The following SFT2D2 variants were observed in gnomAD, a reference collection of about 807,000 sequenced individuals.
SFT2D2 encodes the protein vesicle transport protein SFT2B.
In SFT2D2, 21 loss-of-function variants were observed where a neutral mutation model predicts 27.4. The observed-to-expected ratio is 0.77, with a 90% confidence interval of 0.54 to 1.10. SFT2D2 has a LOEUF of 1.10. Among genes scored for constraint, SFT2D2 ranks in the 50% least tolerant of loss-of-function variants. The pLI, the probability that SFT2D2 is intolerant of heterozygous loss-of-function variation, is 0.00. For synonymous variants in SFT2D2, 72 were observed against 71.7 expected (o/e 1.00, Z -0.02); for missense variants, 187 against 194.2 (o/e 0.96, Z 0.22).
intron 1 of SFT2D2, among the ~76,000 whole-genome samples, chr1:168,231,056 C>T (rs1161187198): frequency 1.3e-5 from 2 of 152,210 alleles, no homozygotes; most frequent in Admixed American, 1.3e-4. Context: ...ACCAGTGGAG[C>T]AGCTGCTTGA....
At position 168,242,502 on chromosome 1, in the gene SFT2D2, G is replaced by T; in HGVS notation, c.445G>T (p.Asp149Tyr). ...ATCTTTGTGTCTTTTCTTTCCTAGGGATGCTGTGAAGAAGTGTTTTGCCGT... is the reference window on the plus strand; with the variant it reads ...ATCTTTGTGTCTTTTCTTTCCTAGGTATGCTGTGAAGAAGTGTTTTGCCGT... ...YSLSFIPFARDAVKKCFAVCL... is the reference protein window; with the variant it reads ...YSLSFIPFARYAVKKCFAVCL... The change falls in exon 8 of 8, where the codon GAT becomes TAT. Residue 149 changes from aspartate (D) to tyrosine (Y), a missense_variant and splice_region_variant. Asp to Tyr is a radical substitution (Grantham distance 160, BLOSUM62 -3). Transcript: ENST00000271375. 1 of 1,614,144 alleles carries T rather than the reference G, an allele frequency of 6.2e-7. No homozygotes were observed. Among genetic ancestry groups the T allele is most frequent in the Non-Finnish European group, 8.5e-7 (1 of 1,180,008 alleles).
intron 1 of SFT2D2, among the ~76,000 whole-genome samples, chr1:168,230,287 G>T (rs1700498799): frequency 6.6e-6 from 1 of 152,134 alleles, no homozygotes; most frequent in Admixed American, 6.5e-5. Flanking sequence ...AATATAGTAG[G>T]AAACTTTGAC....
chr1:168,234,074 C>A (rs903534504), intron 3 of SFT2D2, among the ~76,000 whole-genome samples: 3 of 152,126 alleles, frequency 2.0e-5, no homozygotes, highest in Non-Finnish European at 4.4e-5. Flanking sequence ...ATTACTCTTG[C>A]TAGCCATCTC....
chr1:168,226,062 G>T lies in SFT2D2; in HGVS notation c.-18G>T. ...AGGCTGCCGCTGAGGAGCTGGAGCT[G>T]GTGGGGACTGGGCCGCAATGGACAA... On this transcript the variant is annotated 5_prime_UTR_variant, in exon 1 of 8. Coordinates refer to ENST00000271375, the MANE Select transcript of SFT2D2 (RefSeq NM_199344.3). The T allele has an allele frequency of 6.6e-7, 1 of 1,518,458 alleles. No homozygotes were observed. The highest frequency in any genetic ancestry group is 8.8e-7 in the Non-Finnish European group (1 of 1,131,470). The allele number at this position is 1,518,458 out of a possible 1,614,324, so 94.1% of individuals were successfully genotyped here.
In SFT2D2 at chr1:168,247,456, A is replaced by C. The variant is rs1647851948; in HGVS notation, c.*4916A>C. 1 of 159,744 alleles carries C rather than the reference A, an allele frequency of 6.3e-6. No individual in the cohort carries two copies. Among genetic ancestry groups the C allele is most frequent in the Non-Finnish European group, 1.4e-5 (1 of 73,432 alleles). 9.9% of individuals were successfully genotyped at this position (159,744 alleles called of 1,614,324 possible). A position where few individuals can be genotyped will look rare whatever the true frequency, so the allele number is the denominator to read the frequency against. On this transcript the variant is annotated 3_prime_UTR_variant, in exon 8 of 8. Coordinates refer to ENST00000271375, the MANE Select transcript of SFT2D2 (RefSeq NM_199344.3). ...TCTGTTCTTGTGTTAGTTTGCTGAG[A>C]ATGATGGTTTCCAGCTTCATCCATG...
At chr1:168,233,707 T>G (rs1647395295) in intron 3 of SFT2D2, among the ~76,000 whole-genome samples, 1 of 152,172 alleles carries the variant, frequency 6.6e-6, no homozygotes, top group African/African-American at 2.4e-5. Flanking sequence ...CATAAATATA[T>G]GGGTGTGTTG....
intron 6 of SFT2D2, among the ~76,000 whole-genome samples, chr1:168,238,141 C>T (rs1397217678): frequency 1.3e-5 from 2 of 152,052 alleles, no homozygotes; most frequent in Non-Finnish European, 2.9e-5. Flanking sequence ...GGAGCCTGTT[C>T]CTTGTATATG....
chr1:168,230,802 C>T (rs2102328465), intron 1 of SFT2D2, among the ~76,000 whole-genome samples: 1 of 152,248 alleles, frequency 6.6e-6, no homozygotes, highest in South Asian at 2.1e-4. Context: ...GGGAAAAGAA[C>T]CACTGGGAGC....
At chr1:168,238,502 A>AACAAACAAACAAAAAAAAACAT in intron 6 of SFT2D2, among the ~76,000 whole-genome samples, 1 of 151,886 alleles carries the variant, frequency 6.6e-6, no homozygotes, top group East Asian at 1.9e-4. Context: ...CAAAAAAACA[A>AACAAACAAACAAAAAAAAACAT]ACAAACAAAC....
At position 168,231,837 on chromosome 1, in the gene SFT2D2, A is replaced by G. The variant is rs1558175455; in HGVS notation, c.154A>G (p.Thr52Ala). 6.2e-7 allele frequency: 1 copy of G among 1,614,036 alleles called. No homozygotes were observed. The highest frequency in any genetic ancestry group is 1.3e-5 in the African/African-American group (1 of 75,016). ...AACACTGTACTTTAAATTCCAGGGT[A>G]CTGTTCTGCTGTGGGTGCCCAGGAA... The part of the protein sequence containing the change: ...AIGILCSLLG[T>A]VLLWVPRKGL... Residue 52 changes from threonine to alanine, a missense_variant, in exon 3 of 8, where the codon ACT becomes GCT. Thr to Ala is a moderately conservative substitution (Grantham distance 58). Coordinates refer to ENST00000271375, the MANE Select transcript of SFT2D2 (RefSeq NM_199344.3).
intron 1 of SFT2D2, among the ~76,000 whole-genome samples, chr1:168,229,246 G>GT (rs1700488789): frequency 6.6e-6 from 1 of 152,190 alleles, no homozygotes; most frequent in Non-Finnish European, 1.5e-5. Context: ...ACTGAGCGGA[G>GT]TCTCGCTCTG....
At chr1:168,241,065 A>G (rs1647631943) in intron 7 of SFT2D2, among the ~76,000 whole-genome samples, 1 of 152,104 alleles carries the variant, frequency 6.6e-6, no homozygotes, top group Non-Finnish European at 1.5e-5. Flanking sequence ...CTTGATCTGG[A>G]TTGGCATGTA....
At chr1:168,233,114 C>T (rs1647375153) in intron 3 of SFT2D2, among the ~76,000 whole-genome samples, 2 of 152,228 alleles carry the variant, frequency 1.3e-5, no homozygotes, top group Non-Finnish European at 2.9e-5. Context: ...TCTGGCTTCA[C>T]CGTTGTCCCA....
At chr1:168,238,825 A>C (rs1170311544) in intron 6 of SFT2D2, among the ~76,000 whole-genome samples, 1 of 152,104 alleles carries the variant, frequency 6.6e-6, no homozygotes, top group African/African-American at 2.4e-5. Flanking sequence ...GTTTAAGGTG[A>C]TTGTTGCTAG....
chr1:168,233,200 T>G (rs563387162), intron 3 of SFT2D2, among the ~76,000 whole-genome samples: 1 of 152,318 alleles, frequency 6.6e-6, no homozygotes, highest in South Asian at 2.1e-4. Flanking sequence ...CTTGTTTGGT[T>G]GTTTTCTGTG....
intron 7 of SFT2D2, 119 bp from the exon 8 acceptor site, chr1:168,242,382 A>G (rs917328249): frequency 3.0e-5 from 31 of 1,023,560 alleles, no homozygotes; most frequent in Middle Eastern, 2.1e-4. Context: ...TGATGCTGTG[A>G]AGGTCTGATC....
chr1:168,231,794 GA>G lies in SFT2D2; in HGVS notation c.151-39del, dbSNP rs1238944460. 3.8e-6 allele frequency: 6 copies of G among 1,597,546 alleles called. No individual in the cohort carries two copies. In the Admixed American group the frequency reaches 1.0e-4, roughly 27 times the overall value. On this transcript the variant is annotated intron_variant, in intron 2 of 7. Coordinates refer to ENST00000271375, the MANE Select transcript of SFT2D2 (RefSeq NM_199344.3). ...GAGCTCTGCTTGTGTGGCCGGGTGG[GA>G]GGGTTGCTCATGTGCAAACACTGTA...
chr1:168,240,861 G>A (rs1647627811), intron 7 of SFT2D2, among the ~76,000 whole-genome samples: 1 of 152,070 alleles, frequency 6.6e-6, no homozygotes, highest in Non-Finnish European at 1.5e-5. Flanking sequence ...GCACTGAGCC[G>A]AGATCACGCC....
In SFT2D2 at chr1:168,248,606, TTGAG is replaced by T. The variant is rs2102337253; in HGVS notation, c.*6068_*6071del. 6.6e-6 allele frequency: 1 copy of T among 152,274 alleles called. No individual in the cohort carries two copies. The highest frequency in any genetic ancestry group is 2.1e-4 in the South Asian group (1 of 4,824). 9.4% of individuals were successfully genotyped at this position (152,274 alleles called of 1,614,324 possible). ...TTGTTGAATGCCTTTTCTGCATCTA[TTGAG>T]TTAGGGAGGATTCCCTCTTTTTCTA... On this transcript the variant is annotated 3_prime_UTR_variant, in exon 8 of 8. Coordinates refer to ENST00000271375, the MANE Select transcript of SFT2D2 (RefSeq NM_199344.3).
Sources: allele counts gnomAD v4.1 joint callset (sites outside exome capture counted in the v4.1 genomes callset), GRCh38; gene constraint gnomAD v4.1.1; transcripts MANE v1.5; gene names NCBI Gene and HGNC (gene_info 2026-07-23, HGNC 2026-07-21).